The following NALF1 variants were observed in gnomAD, a reference collection of about 807,000 sequenced individuals.
NALF1 encodes NALCN channel auxiliary factor 1, also known as family with sequence similarity 155 member A.
Under a neutral mutation model 48.4 loss-of-function variants are expected in NALF1, and 3 were observed. The observed-to-expected ratio is 0.06, with a 90% CI of 0.03 to 0.16. The LOEUF (loss-of-function observed/expected upper bound fraction) is 0.16, where lower values mean the gene tolerates loss of function less well. Among genes scored for constraint, NALF1 ranks in the 10% least tolerant of loss-of-function variants. The pLI is 1.00. For missense variants in NALF1, 526 were observed against 571.5 expected (o/e 0.92, Z 0.81); for synonymous variants, 262 against 245.7 (o/e 1.07, Z -0.62).
At chr13:107,437,594 G>T (rs1000853668) in intron 1 of NALF1, among the ~76,000 whole-genome samples, 3 of 151,970 alleles carry the variant, frequency 2.0e-5, no homozygotes, top group Non-Finnish European at 2.9e-5. Flanking sequence ...CAACACCATG[G>T]GAATATCTCA....
At chr13:107,768,882 C>T (rs929943405) in intron 1 of NALF1, among the ~76,000 whole-genome samples, 1 of 152,006 alleles carries the variant, frequency 6.6e-6, no homozygotes, top group Non-Finnish European at 1.5e-5. Context: ...GGGCAAAGGA[C>T]ATGAACAGAC....
At chr13:107,199,378 G>T (rs1879461233) in intron 2 of NALF1, among the ~76,000 whole-genome samples, 1 of 152,202 alleles carries the variant, frequency 6.6e-6, no homozygotes, top group Admixed American at 6.5e-5. Flanking sequence ...CCTGTAGCAT[G>T]TGGTATTTTG....
At chr13:107,849,460 C>T (rs1399971338) in intron 1 of NALF1, among the ~76,000 whole-genome samples, 2 of 152,204 alleles carry the variant, frequency 1.3e-5, no homozygotes, top group Non-Finnish European at 2.9e-5. Context: ...GCTTCACCCA[C>T]ATGTCTGGTG....
In NALF1 at chr13:107,215,594, G is replaced by A. The variant is rs142924294; in HGVS notation, c.916-4839C>T. Among the ~76,000 whole-genome samples, 738 of 152,234 alleles carry A rather than the reference G, an allele frequency of 4.8e-3. 11 individuals are homozygous for A. Among genetic ancestry groups the A allele is most frequent in the African/African-American group, 0.017 (693 of 41,542 alleles). ...ACTTTGCTTCCTGATTACGGGGAGT[G>A]ATGTGAAGCCACGAACTCTAGAAAG... On this transcript the variant is annotated intron_variant, in intron 1 of 2. Transcript: ENST00000375915.
intron 1 of NALF1, among the ~76,000 whole-genome samples, chr13:107,391,211 C>T (rs1448598142): frequency 6.6e-6 from 1 of 152,116 alleles, no homozygotes; most frequent in Admixed American, 6.6e-5. Flanking sequence ...TCCTCCTTCT[C>T]AGATGATAGA....
chr13:107,364,889 C>A (rs1883124514), intron 1 of NALF1, among the ~76,000 whole-genome samples: 2 of 151,168 alleles, frequency 1.3e-5, no homozygotes, highest in South Asian at 4.2e-4. Flanking sequence ...TCTTTTTCTT[C>A]CTTCTTTCTT....
chr13:107,574,867 G>C (rs565749974), intron 1 of NALF1, among the ~76,000 whole-genome samples: 8 of 152,252 alleles, frequency 5.3e-5, no homozygotes, highest in African/African-American at 1.9e-4. Context: ...ATTTGGAAAA[G>C]AAAGTATATA....
chr13:107,589,212 T>C (rs1023806330), intron 1 of NALF1, among the ~76,000 whole-genome samples: 2 of 152,220 alleles, frequency 1.3e-5, no homozygotes, highest in Non-Finnish European at 1.5e-5. Context: ...TTTTTATGAA[T>C]ACTGGCTCAC....
intron 1 of NALF1, among the ~76,000 whole-genome samples, chr13:107,240,270 T>C (rs1880439811): frequency 6.6e-6 from 1 of 152,164 alleles, no homozygotes; most frequent in Non-Finnish European, 1.5e-5. Flanking sequence ...TCATCAGACA[T>C]CAAATCTACC....
At chr13:107,743,925 T>A (rs1026773717) in intron 1 of NALF1, among the ~76,000 whole-genome samples, 1 of 152,060 alleles carries the variant, frequency 6.6e-6, no homozygotes, top group Non-Finnish European at 1.5e-5. Context: ...TAGAAAAAAA[T>A]GATCCTTTAG....
intron 1 of NALF1, among the ~76,000 whole-genome samples, chr13:107,651,569 A>G (rs142475764): frequency 6.6e-6 from 1 of 152,216 alleles, no homozygotes; most frequent in Non-Finnish European, 1.5e-5. Context: ...TTAAATGAAT[A>G]TTTTAAAACT....
intron 1 of NALF1, among the ~76,000 whole-genome samples, chr13:107,550,742 A>T (rs1032576722): frequency 2.6e-5 from 4 of 152,186 alleles, no homozygotes; most frequent in Non-Finnish European, 5.9e-5. Flanking sequence ...AAAGGAAAGA[A>T]GGGTGAGTTT....
intron 1 of NALF1, among the ~76,000 whole-genome samples, chr13:107,242,482 T>C (rs1259709756): frequency 6.6e-6 from 1 of 152,252 alleles, no homozygotes; most frequent in African/African-American, 2.4e-5. Flanking sequence ...GCCTATCTTA[T>C]GGAATTAAGT....
chr13:107,524,255 T>C (rs1428119989), intron 1 of NALF1, among the ~76,000 whole-genome samples: 1 of 152,094 alleles, frequency 6.6e-6, no homozygotes, highest in African/African-American at 2.4e-5. Context: ...ATGCAAAAAG[T>C]TGAAGATGTT....
At chr13:107,437,850 A>G (rs1298234389) in intron 1 of NALF1, among the ~76,000 whole-genome samples, 2 of 152,220 alleles carry the variant, frequency 1.3e-5, no homozygotes, top group Non-Finnish European at 2.9e-5. Context: ...TATACATTTT[A>G]CCTCGAAAAC....
chr13:107,744,384 ATAAG>A (rs2138546869), intron 1 of NALF1, among the ~76,000 whole-genome samples: 1 of 152,352 alleles, frequency 6.6e-6, no homozygotes, highest in African/African-American at 2.4e-5. Context: ...TAAAGGACAA[ATAAG>A]TAAGCGAAGT....
intron 1 of NALF1, among the ~76,000 whole-genome samples, chr13:107,748,103 T>C (rs1876834939): frequency 6.6e-6 from 1 of 152,160 alleles, no homozygotes; most frequent in Admixed American, 6.5e-5. Flanking sequence ...GCATCCTCAG[T>C]TTCCCTCTTT....
In NALF1 at chr13:107,754,388, CACACACACA is replaced by C. The variant is rs1566469348; in HGVS notation, c.915+111285_915+111293del. Among the ~76,000 whole-genome samples, 4 of 146,588 alleles carry C rather than the reference CACACACACA, an allele frequency of 2.7e-5. No homozygotes were observed. In the East Asian group the frequency reaches 5.9e-4, roughly 21 times the overall value. Reference sequence around the variant, plus strand: ...ACACACACACACACACACACACACACACACACACACCATATATGGAACCGCTGAACAATC... The same window carrying C: ...ACACACACACACACACACACACACACCCATATATGGAACCGCTGAACAATC... On this transcript the variant is annotated intron_variant, in intron 1 of 2. Coordinates refer to ENST00000375915, the MANE Select transcript of NALF1 (RefSeq NM_001080396.3).
At chr13:107,669,735 C>T (rs1409933510) in intron 1 of NALF1, among the ~76,000 whole-genome samples, 1 of 152,058 alleles carries the variant, frequency 6.6e-6, no homozygotes, top group Non-Finnish European at 1.5e-5. Context: ...AAAAAATAAG[C>T]AAGCAGTCCC....
Sources: gnomAD v4.1 joint callset for allele counts (sites outside exome capture counted in the v4.1 genomes callset) on GRCh38, gnomAD v4.1.1 for gene constraint, MANE v1.5 for transcripts, NCBI Gene and HGNC (gene_info 2026-07-23, HGNC 2026-07-21) for gene names.